The following ZFYVE28 variants were observed in gnomAD, a reference collection of about 807,000 sequenced individuals.
ZFYVE28 encodes the protein zinc finger FYVE-type containing 28.
ZFYVE28 carries 40 observed loss-of-function variants against 82.1 expected under a neutral mutation model. That is an observed-to-expected ratio of 0.49 (90% CI 0.38 to 0.63). The LOEUF (loss-of-function observed/expected upper bound fraction) is 0.63. Ranked by LOEUF, ZFYVE28 falls within the 30% of genes least tolerant of loss-of-function variation. The pLI, the probability that ZFYVE28 is intolerant of heterozygous loss-of-function variation, is 0.00. For synonymous variants in ZFYVE28, 612 were observed against 546.1 expected, an observed-to-expected ratio of 1.12 and a Z score of -1.68; for missense variants, 1,321 against 1,242.1, an observed-to-expected ratio of 1.06 and a Z score of -0.96.
intron 8 of ZFYVE28, among the ~76,000 whole-genome samples, chr4:2,275,315 C>G (rs1736316880): frequency 6.6e-6 from 1 of 152,198 alleles, no homozygotes; most frequent in Non-Finnish European, 1.5e-5. Context: ...TTCACCTCGC[C>G]CAACTCTAGG....
chr4:2,367,463 C>A (rs971758593), intron 1 of ZFYVE28, among the ~76,000 whole-genome samples: 3 of 152,222 alleles, frequency 2.0e-5, no homozygotes, highest in African/African-American at 7.2e-5. Context: ...GAACGCAGTC[C>A]GGTCAACTCC....
chr4:2,398,165 G>A (rs536838732), intron 1 of ZFYVE28, among the ~76,000 whole-genome samples: 2 of 152,364 alleles, frequency 1.3e-5, no homozygotes, highest in South Asian at 2.1e-4. Flanking sequence ...ACCTAGAGCT[G>A]GTGCCAGTGG....
intron 1 of ZFYVE28, among the ~76,000 whole-genome samples, chr4:2,386,884 G>A (rs959325196): frequency 3.3e-5 from 5 of 152,396 alleles, no homozygotes; most frequent in African/African-American, 2.4e-5. Flanking sequence ...TGCCAGCCAA[G>A]CTCGCTGCCC....
intron 2 of ZFYVE28, among the ~76,000 whole-genome samples, chr4:2,345,646 A>AAAATT (rs1188526634): frequency 1.3e-5 from 2 of 151,798 alleles, no homozygotes; most frequent in Non-Finnish European, 2.9e-5. Flanking sequence ...AATAATGGCC[A>AAAATT]AAATTTTTCC....
rs1724784923 is a variant in ZFYVE28 at position 2,353,527 on chromosome 4, G to A, written c.180+406C>T. 1.3e-5 allele frequency among the ~76,000 whole-genome samples: 2 copies of A among 152,128 alleles called. 1 individual carries two copies. The highest frequency in any genetic ancestry group is 4.8e-5 in the African/African-American group (2 of 41,418). ...GGGTATTTTTAGCGGCAGCTTCCAGGGCCATCTGTCAATTATGCAGCAGAT... is the reference window on the plus strand; with the variant it reads ...GGGTATTTTTAGCGGCAGCTTCCAGAGCCATCTGTCAATTATGCAGCAGAT... On this transcript the variant is annotated intron_variant, in intron 2 of 12. Transcript: ENST00000290974.
chr4:2,330,897 G>A (rs989304064), intron 6 of ZFYVE28: 10 of 1,535,276 alleles, frequency 6.5e-6, no homozygotes, highest in Non-Finnish European at 8.7e-6. Context: ...CACGGTGGGA[G>A]CTCCGGCAAG....
At chr4:2,322,370 C>A (rs530532646) in intron 6 of ZFYVE28, among the ~76,000 whole-genome samples, 423 of 152,302 alleles carry the variant, frequency 2.8e-3, no homozygotes, top group African/African-American at 9.8e-3. Context: ...TGGCTACAGC[C>A]CGACAGGCCA....
chr4:2,295,359 C>A (rs540949818), intron 8 of ZFYVE28, among the ~76,000 whole-genome samples: 1 of 151,026 alleles, frequency 6.6e-6, no homozygotes, highest in Non-Finnish European at 1.5e-5. Flanking sequence ...TTAGTAAAGA[C>A]GGGGTTTTAC....
intron 8 of ZFYVE28, among the ~76,000 whole-genome samples, chr4:2,276,810 C>T (rs972076364): frequency 6.7e-6 from 1 of 149,836 alleles, no homozygotes; most frequent in Non-Finnish European, 1.5e-5. Context: ...GGGCAGAGGG[C>T]GGGGAGTCGG....
In ZFYVE28 at chr4:2,416,959, C is replaced by A. The variant is rs962964736; in HGVS notation, c.39+1326G>T. On this transcript the variant is annotated intron_variant, in intron 1 of 12. Transcript: ENST00000290974. This position sits in a 1 kb window ranked among gnomAD's most constrained non-coding sequence, Gnocchi z 4.6. ...CGGGGCCCTGAGTGAGCCCTCAAAC[C>A]TCCGTGCCGATCTTCCAAACCCACC... Among the ~76,000 whole-genome samples, 3 of 152,376 alleles carry A rather than the reference C, an allele frequency of 2.0e-5. No homozygotes were observed. Among genetic ancestry groups the A allele is most frequent in the African/African-American group, 7.2e-5 (3 of 41,594 alleles).
chr4:2,401,354 A>G (rs1731153697), intron 1 of ZFYVE28, among the ~76,000 whole-genome samples: 1 of 152,058 alleles, frequency 6.6e-6, no homozygotes, highest in Non-Finnish European at 1.5e-5. Flanking sequence ...TGCCACCTCC[A>G]TCTCACACAG....
At chr4:2,292,236 G>C (rs1260262978) in intron 8 of ZFYVE28, among the ~76,000 whole-genome samples, 1 of 152,224 alleles carries the variant, frequency 6.6e-6, no homozygotes, top group Non-Finnish European at 1.5e-5. Flanking sequence ...CACAGACATG[G>C]AGATGCCCAC....
At chr4:2,398,931 G>T (rs1296021867) in intron 1 of ZFYVE28, among the ~76,000 whole-genome samples, 1 of 127,844 alleles carries the variant, frequency 7.8e-6, no homozygotes. Context: ...GGGCACAAGC[G>T]GGGGCAAGAT....
At position 2,304,516 on chromosome 4, in the gene ZFYVE28, C is replaced by T; in HGVS notation, c.1824G>A (p.Glu608=). The change falls in exon 8 of 13, where the codon GAG becomes GAA. Residue 608 remains glutamate, a synonymous_variant. Transcript: ENST00000290974. Reference sequence around the variant, plus strand: ...AGGGTGGGGGCGCCTCCTCCTGTCTCTCAGGGGCCCTGTCGCTGGCCTTGG... The same window carrying T: ...AGGGTGGGGGCGCCTCCTCCTGTCTTTCAGGGGCCCTGTCGCTGGCCTTGG... ...GLAKASDRAP[E]RQEEAPPPSE... 1 of 1,612,664 alleles carries T rather than the reference C, an allele frequency of 6.2e-7. No homozygotes were observed. Among genetic ancestry groups the T allele is most frequent in the Non-Finnish European group, 8.5e-7 (1 of 1,179,720 alleles).
chr4:2,400,414 A>G (rs1731047349), intron 1 of ZFYVE28, among the ~76,000 whole-genome samples: 1 of 111,618 alleles, frequency 9.0e-6, no homozygotes, highest in Non-Finnish European at 1.8e-5. Flanking sequence ...CTCGGCCCCT[A>G]AAATACAGGC....
At position 2,304,415 on chromosome 4, in the gene ZFYVE28, T is replaced by C. The variant is rs201788954; in HGVS notation, c.1925A>G (p.Gln642Arg). The C allele has an allele frequency of 6.2e-7, 1 of 1,613,570 alleles. No homozygotes were observed. Among genetic ancestry groups the C allele is most frequent in the Non-Finnish European group, 8.5e-7 (1 of 1,179,998 alleles). The change falls in exon 8 of 13, where the codon CAG (glutamine) becomes CGG (arginine). Residue 642 changes from glutamine to arginine, a missense_variant. By Grantham distance (43) the Gln-to-Arg change is conservative. Around this residue, in one of 2 missense-constraint regions of ZFYVE28, gnomAD observed 978 missense variants for 833.7 expected, o/e 1.17. Transcript: ENST00000290974. The part of the protein sequence containing the change: ...DKCLPHTSGS[Q>R]VDTASGLQGE... ...TTGCAGCCCACTCGCTGTGTCCACC[T>C]GGGAACCTGAGGTGTGAGGCAGGCA...
At chr4:2,295,430 C>A (rs1196778759) in intron 8 of ZFYVE28, among the ~76,000 whole-genome samples, 1 of 152,170 alleles carries the variant, frequency 6.6e-6, no homozygotes, top group Non-Finnish European at 1.5e-5. Context: ...CTCAGCCTCC[C>A]AAAGTGCTGG....
At chr4:2,353,701 C>G (rs1724809089) in intron 2 of ZFYVE28, among the ~76,000 whole-genome samples, 1 of 152,216 alleles carries the variant, frequency 6.6e-6, no homozygotes, top group Admixed American at 6.5e-5. Flanking sequence ...CCCGCTCTCC[C>G]AGCCTCTGCT....
intron 1 of ZFYVE28, among the ~76,000 whole-genome samples, chr4:2,391,518 C>T (rs1173028910): frequency 7.0e-6 from 1 of 142,336 alleles, no homozygotes; most frequent in Non-Finnish European, 1.5e-5. Context: ...GCCATTTTCA[C>T]CCTTTTTAAG....
Sources: gnomAD v4.1 joint callset for allele counts (sites outside exome capture counted in the v4.1 genomes callset) on GRCh38, gnomAD v4.1.1 for gene constraint, gnomAD v4.1.1 regional missense constraint, Gnocchi (gnomAD v3.1) non-coding constraint, MANE v1.5 for transcripts, NCBI Gene and HGNC (gene_info 2026-07-23, HGNC 2026-07-21) for gene names.